Variants in ZNF827 observed in about 807,000 individuals in gnomAD.
The protein encoded by ZNF827 is zinc finger protein 827.
In ZNF827, 13 loss-of-function variants were observed where a neutral mutation model predicts 102.4. The observed-to-expected ratio is 0.13, with a 90% CI of 0.08 to 0.20. ZNF827 has a LOEUF of 0.20. ZNF827 is among the 10% of genes least tolerant of loss of function. The pLI is 1.00. For synonymous variants in ZNF827, 523 were observed against 536.2 expected (o/e 0.98, Z 0.34); for missense variants, 1,103 against 1,344.4 (o/e 0.82, Z 2.81).
At chr4:145,899,109 G>A (rs1751208385) in intron 2 of ZNF827, among the ~76,000 whole-genome samples, 1 of 152,054 alleles carries the variant, frequency 6.6e-6, no homozygotes, top group Non-Finnish European at 1.5e-5. Context: ...TGCTGTGAGA[G>A]GCCAATGCAC....
At chr4:145,906,313 G>C (rs1162898410) in intron 1 of ZNF827, among the ~76,000 whole-genome samples, 1 of 152,028 alleles carries the variant, frequency 6.6e-6, no homozygotes, top group Non-Finnish European at 1.5e-5. Flanking sequence ...AATCAGCAAG[G>C]GATTCTCTTA....
chr4:145,931,430 A>G (rs1753799561), intron 1 of ZNF827, among the ~76,000 whole-genome samples: 1 of 152,260 alleles, frequency 6.6e-6, no homozygotes, highest in African/African-American at 2.4e-5. Context: ...GATGAAAAAA[A>G]GCTCACATCC....
chr4:145,761,250 G>A lies in ZNF827; in HGVS notation c.*366C>T. 1 of 1,289,888 alleles carries A rather than the reference G, an allele frequency of 7.8e-7. No homozygotes were observed. The highest frequency in any genetic ancestry group is 1.2e-5 in the South Asian group (1 of 81,028). The allele number at this position is 1,289,888 out of a possible 1,614,324, so 79.9% of individuals were successfully genotyped here. Reference sequence around the variant, plus strand: ...CGAAAGGGTGTGTGGTCTTGAACAGGCACTCTTCGCAGCTGAAGGTCTGGC... The same window carrying A: ...CGAAAGGGTGTGTGGTCTTGAACAGACACTCTTCGCAGCTGAAGGTCTGGC... On this transcript the variant is annotated 3_prime_UTR_variant, in exon 15 of 15. Transcript: ENST00000508784. This position sits in a 1 kb window ranked among gnomAD's most constrained non-coding sequence, Gnocchi z 6.8.
At chr4:145,897,758 G>A (rs562539916) in intron 2 of ZNF827, among the ~76,000 whole-genome samples, 5 of 152,266 alleles carry the variant, frequency 3.3e-5, no homozygotes, top group South Asian at 2.1e-4. Context: ...AAATCACTGC[G>A]AAAATACAAT....
At chr4:145,908,128 T>C (rs1752013723) in intron 1 of ZNF827, among the ~76,000 whole-genome samples, 2 of 152,120 alleles carry the variant, frequency 1.3e-5, no homozygotes, top group Non-Finnish European at 2.9e-5. Flanking sequence ...TCTCAGAGCA[T>C]CCTCGTTCAG....
chr4:145,857,322 T>C (rs1256855926), intron 5 of ZNF827, among the ~76,000 whole-genome samples: 4 of 152,200 alleles, frequency 2.6e-5, no homozygotes, highest in Non-Finnish European at 5.9e-5. Context: ...GAGCTCAAAC[T>C]CTACAGGTAA....
intron 4 of ZNF827, among the ~76,000 whole-genome samples, chr4:145,874,309 C>A (rs1382575876): frequency 1.3e-5 from 2 of 152,136 alleles, no homozygotes; most frequent in Non-Finnish European, 2.9e-5. Flanking sequence ...CAGAGAATAA[C>A]AGAAAATTGT....
rs1735797270 is a variant in ZNF827, at chr4:145,768,909, ATAT to A, written c.2861-3174_2861-3172del. ...AAAAAAAATATATATATATATATAT[ATAT>A]ATATTAGGTATACAAAGTTTGGAAA... On this transcript the variant is annotated intron_variant, in intron 11 of 14. Coordinates refer to ENST00000508784, the MANE Select transcript of ZNF827 (RefSeq NM_001306215.2). 1.7e-4 allele frequency among the ~76,000 whole-genome samples: 7 copies of A among 41,962 alleles called. 3 individuals carry two copies. Among genetic ancestry groups the A allele is most frequent in the Non-Finnish European group, 2.1e-4 (4 of 18,958 alleles). The allele number at this position is 41,962 out of a possible 152,430, so 27.5% of individuals were successfully genotyped here.
At chr4:145,921,437 C>A (rs1280050378) in intron 1 of ZNF827, among the ~76,000 whole-genome samples, 2 of 113,416 alleles carry the variant, frequency 1.8e-5, no homozygotes, top group African/African-American at 3.6e-5. Flanking sequence ...ATTACAGAGG[C>A]AGGGGTTGGG....
chr4:145,892,159 C>T (rs1189409036), intron 3 of ZNF827, 84 bp downstream of exon 3: 7 of 1,392,318 alleles, frequency 5.0e-6, no homozygotes, highest in Non-Finnish European at 5.7e-6. Context: ...CCTCCCTCGG[C>T]CAAGAAGCCT....
chr4:145,892,465 C>T (rs769124058), intron 2 of ZNF827, 50 bp from the exon 3 acceptor site: 19 of 1,533,860 alleles, frequency 1.2e-5, no homozygotes, highest in Middle Eastern at 1.7e-4. Flanking sequence ...AAAAGGTACA[C>T]TGCATCTGGC....
In ZNF827 at chr4:145,903,202, C is replaced by G; in HGVS notation, c.57G>C (p.Gln19His). The change falls in exon 2 of 15, where the codon CAG (glutamine) becomes CAC (histidine). Residue 19 changes from glutamine to histidine, a missense_variant. Transcript: ENST00000508784. ...PKRLPSHVSRQEEAEGELSEG... is the reference protein window; with the variant it reads ...PKRLPSHVSRHEEAEGELSEG... ...CACTGAGCTCTCCCTCCGCCTCTTC[C>G]TGCCTACTAACATCTGGGGAGAATT... is the stretch of plus-strand genomic sequence containing the variant. 1.2e-6 allele frequency: 2 copies of G among 1,609,346 alleles called. No individual in the cohort carries two copies. Among genetic ancestry groups the G allele is most frequent in the Non-Finnish European group, 1.7e-6 (2 of 1,176,628 alleles).
chr4:145,822,818 C>T (rs1743275723), intron 8 of ZNF827, among the ~76,000 whole-genome samples: 1 of 152,142 alleles, frequency 6.6e-6, no homozygotes, highest in Non-Finnish European at 1.5e-5. Context: ...GTAAGCACAT[C>T]CTTCCTTCTA....
chr4:145,902,091 A>T lies in ZNF827; in HGVS notation c.1093+75T>A. On this transcript the variant is annotated intron_variant, in intron 2 of 14. Transcript: ENST00000508784. The surrounding 1 kb of genome is among the most constrained non-coding windows in gnomAD (Gnocchi z 4.3). ...CAGATCAGATGGGGAACCCAACTGA[A>T]AAAAGCAATGAATAAGACATCGCAG... 6.7e-7 allele frequency: 1 copy of T among 1,503,460 alleles called. No individual in the cohort carries two copies. The highest frequency in any genetic ancestry group is 8.9e-7 in the Non-Finnish European group (1 of 1,127,738). 93.1% of individuals were successfully genotyped at this position (1,503,460 alleles called of 1,614,324 possible).
intron 8 of ZNF827, among the ~76,000 whole-genome samples, chr4:145,792,603 A>T (rs1287197911): frequency 6.6e-6 from 1 of 152,052 alleles, no homozygotes; most frequent in African/African-American, 2.4e-5. Flanking sequence ...GTCACAGCTA[A>T]CTGCCGCCTC....
At position 145,885,915 on chromosome 4, in the gene ZNF827, A is replaced by G; in HGVS notation, c.1510T>C (p.Ser504Pro). ...GTELVGTMMTSNTPERTSQGG... is the reference protein window; with the variant it reads ...GTELVGTMMTPNTPERTSQGG... ...TGGCTAGTCCTCTCTGGAGTGTTAG[A>G]CGTCATCATGGTCCCCACTAGCTCT... Residue 504 changes from serine (S) to proline (P), a missense_variant, in exon 4 of 15, where the codon TCT becomes CCT. Transcript: ENST00000508784. The G allele has an allele frequency of 1.2e-6, 2 of 1,614,182 alleles. No individual in the cohort carries two copies. The highest frequency in any genetic ancestry group is 1.7e-6 in the Non-Finnish European group (2 of 1,180,024).
intron 1 of ZNF827, 88 bp downstream of exon 1, chr4:145,938,277 A>G: frequency 6.6e-7 from 1 of 1,521,780 alleles, no homozygotes. Context: ...AAACTAATGC[A>G]GAAAACAACG....
intron 7 of ZNF827, chr4:145,831,409 C>T (rs1217688411): frequency 6.6e-6 from 1 of 152,228 alleles, no homozygotes; most frequent in East Asian, 1.9e-4. Context: ...CAAGCTTCAG[C>T]TGGGGCATTT....
At chr4:145,871,280 A>G (rs927176801) in intron 4 of ZNF827, among the ~76,000 whole-genome samples, 2 of 152,160 alleles carry the variant, frequency 1.3e-5, no homozygotes, top group Admixed American at 6.5e-5. Flanking sequence ...CTATGAGCTA[A>G]ACTCTAGATT....
Sources: allele counts gnomAD v4.1 joint callset (sites outside exome capture counted in the v4.1 genomes callset), GRCh38; gene constraint gnomAD v4.1.1; non-coding constraint Gnocchi (gnomAD v3.1); transcripts MANE v1.5; gene names NCBI Gene and HGNC (gene_info 2026-07-23, HGNC 2026-07-21).